DOK5: variants seen among roughly 807,000 people sequenced by gnomAD.
DOK5 encodes the protein downstream of tyrosine kinase 5.
DOK5 carries 27 observed loss-of-function variants against 43.3 expected under a neutral mutation model. That is an observed-to-expected ratio of 0.62 (90% CI 0.46 to 0.86). The LOEUF (loss-of-function observed/expected upper bound fraction) is 0.86. Ranked by LOEUF, DOK5 falls within the 40% of genes least tolerant of loss-of-function variation. The pLI, the probability that DOK5 is intolerant of heterozygous loss-of-function variation, is 0.00. For synonymous variants in DOK5, 146 were observed against 140.1 expected (o/e 1.04, Z -0.30); for missense variants, 373 against 392.9 (o/e 0.95, Z 0.43).
intron 1 of DOK5, among the ~76,000 whole-genome samples, chr20:54,476,695 G>A (rs1458809880): frequency 6.6e-6 from 1 of 152,176 alleles, no homozygotes; most frequent in East Asian, 1.9e-4. Context: ...ACCTGGCATA[G>A]CGCAAGTGCT....
Position 54,610,472 on chromosome 20 carries a change from G to A in DOK5, c.684G>A (p.Leu228=). The A allele has an allele frequency of 6.3e-7, 1 of 1,581,870 alleles. No individual in the cohort carries two copies. The highest frequency in any genetic ancestry group is 8.6e-7 in the Non-Finnish European group (1 of 1,164,966). The change falls in exon 6 of 8, where the codon TTG becomes TTA. Residue 228 remains leucine, a synonymous_variant. Transcript: ENST00000262593. ...ATCAGAAAGTCCACTCTGCTGCCTTGGCCATAGCCGAGCAGCACGAGCGCT... is the reference window on the plus strand; with the variant it reads ...ATCAGAAAGTCCACTCTGCTGCCTTAGCCATAGCCGAGCAGCACGAGCGCT... ...AIYQKVHSAA[L]AIAEQHERLL... is the part of the protein sequence containing the mutation.
At chr20:54,552,131 C>T (rs986874035) in intron 1 of DOK5, among the ~76,000 whole-genome samples, 16 of 152,254 alleles carry the variant, frequency 1.1e-4, no homozygotes, top group African/African-American at 3.9e-4. Flanking sequence ...CCCAGCCATA[C>T]AGTATTAACT....
chr20:54,507,188 G>A (rs1425002037), intron 1 of DOK5, among the ~76,000 whole-genome samples: 2 of 152,164 alleles, frequency 1.3e-5, no homozygotes, highest in Non-Finnish European at 2.9e-5. Flanking sequence ...CTGCCTTTAA[G>A]GAGATCAAGG....
At chr20:54,557,753 A>C (rs1252726273) in intron 2 of DOK5, among the ~76,000 whole-genome samples, 1 of 152,178 alleles carries the variant, frequency 6.6e-6, no homozygotes, top group African/African-American at 2.4e-5. Context: ...TGCGTTGCTC[A>C]AATTGCTCCT....
intron 6 of DOK5, among the ~76,000 whole-genome samples, chr20:54,611,792 G>C (rs1366803578): frequency 6.6e-6 from 1 of 152,296 alleles, no homozygotes; most frequent in Middle Eastern, 3.4e-3. Context: ...GAAACATGTG[G>C]GGTGGTTGGA....
chr20:54,613,279 T>A (rs1986712032), intron 6 of DOK5, among the ~76,000 whole-genome samples: 1 of 152,080 alleles, frequency 6.6e-6, no homozygotes. Context: ...TCTTTCTAAA[T>A]GTCTAAGTAG....
chr20:54,504,145 C>T (rs558109033), intron 1 of DOK5, among the ~76,000 whole-genome samples: 37 of 152,232 alleles, frequency 2.4e-4, no homozygotes, highest in Non-Finnish European at 2.9e-5. Context: ...TACAATATGG[C>T]TAACTTTGTC....
At chr20:54,521,363 C>T (rs1013171299) in intron 1 of DOK5, among the ~76,000 whole-genome samples, 1 of 152,124 alleles carries the variant, frequency 6.6e-6, no homozygotes, top group Non-Finnish European at 1.5e-5. Context: ...CTTCAGACGC[C>T]AACCACAAGG....
At chr20:54,519,742 A>G (rs1456478293) in intron 1 of DOK5, among the ~76,000 whole-genome samples, 1 of 152,232 alleles carries the variant, frequency 6.6e-6, no homozygotes, top group Non-Finnish European at 1.5e-5. Context: ...CATTCAAAAG[A>G]GAATGATGCA....
At chr20:54,508,048 A>G (rs976899878) in intron 1 of DOK5, among the ~76,000 whole-genome samples, 2 of 152,190 alleles carry the variant, frequency 1.3e-5, no homozygotes, top group African/African-American at 4.8e-5. Flanking sequence ...GTCTAGCTTT[A>G]GAAGCTCGAA....
At chr20:54,512,739 T>A (rs570923301) in intron 1 of DOK5, among the ~76,000 whole-genome samples, 1 of 152,346 alleles carries the variant, frequency 6.6e-6, no homozygotes, top group South Asian at 2.1e-4. Flanking sequence ...TGTATATTAG[T>A]CTTCGGCCTC....
At chr20:54,632,029 A>G (rs1336383800) in intron 6 of DOK5, among the ~76,000 whole-genome samples, 1 of 152,238 alleles carries the variant, frequency 6.6e-6, no homozygotes, top group Non-Finnish European at 1.5e-5. Context: ...TCACAAAAAC[A>G]TGGACCCCTC....
At chr20:54,497,569 CT>C (rs1982449252) in intron 1 of DOK5, among the ~76,000 whole-genome samples, 1 of 152,116 alleles carries the variant, frequency 6.6e-6, no homozygotes, top group Non-Finnish European at 1.5e-5. Context: ...TTCTATGTTA[CT>C]CCATTTGCTA....
At chr20:54,612,070 A>G (rs1375698864) in intron 6 of DOK5, among the ~76,000 whole-genome samples, 2 of 152,246 alleles carry the variant, frequency 1.3e-5, no homozygotes, top group African/African-American at 2.4e-5. Flanking sequence ...TTATTAATGG[A>G]CATTGAGATA....
chr20:54,547,713 A>T (rs994826050), intron 1 of DOK5, among the ~76,000 whole-genome samples: 3 of 152,206 alleles, frequency 2.0e-5, no homozygotes, highest in African/African-American at 7.2e-5. Flanking sequence ...TAATAAAATC[A>T]CCACCACCAA....
chr20:54,619,479 T>C (rs1293849516), intron 6 of DOK5, among the ~76,000 whole-genome samples: 1 of 152,210 alleles, frequency 6.6e-6, no homozygotes, highest in African/African-American at 2.4e-5. Flanking sequence ...TTGTCATTTT[T>C]AGACTTTCCT....
intron 7 of DOK5, among the ~76,000 whole-genome samples, chr20:54,646,184 A>C (rs1321813521): frequency 1.3e-5 from 2 of 150,898 alleles, no homozygotes; most frequent in Non-Finnish European, 2.9e-5. Context: ...CTTCTATTTT[A>C]ATATACTTCT....
At chr20:54,635,975 A>C (rs977273537) in intron 6 of DOK5, among the ~76,000 whole-genome samples, 2 of 152,242 alleles carry the variant, frequency 1.3e-5, no homozygotes, top group Non-Finnish European at 2.9e-5. Flanking sequence ...TCCAAGATCA[A>C]GGTGCTGGCA....
At chr20:54,624,954 T>G (rs1987090007) in intron 6 of DOK5, among the ~76,000 whole-genome samples, 1 of 142,118 alleles carries the variant, frequency 7.0e-6, no homozygotes, top group East Asian at 2.0e-4. Context: ...TTGCTGCATG[T>G]TTTTTTTTTT....
Sources: gnomAD v4.1 joint callset for allele counts (sites outside exome capture counted in the v4.1 genomes callset) on GRCh38, gnomAD v4.1.1 for gene constraint, MANE v1.5 for transcripts, NCBI Gene and HGNC (gene_info 2026-07-23, HGNC 2026-07-21) for gene names.